Variants in RLF observed in about 807,000 individuals in gnomAD.
RLF encodes the protein RLF zinc finger.
RLF carries 7 observed loss-of-function variants against 162.9 expected under a neutral mutation model. That is an observed-to-expected ratio of 0.04 (90% confidence interval 0.02 to 0.08). RLF has a LOEUF of 0.08. Ranked by LOEUF, RLF falls within the 10% of genes least tolerant of loss-of-function variation. RLF has a pLI of 1.00. For synonymous variants in RLF, 782 were observed against 791.5 expected, an observed-to-expected ratio of 0.99 and a Z score of 0.20; for missense variants, 1,664 against 2,244.7, an observed-to-expected ratio of 0.74 and a Z score of 5.23.
intron 5 of RLF, among the ~76,000 whole-genome samples, chr1:40,207,778 T>G (rs1416317782): frequency 1.3e-5 from 2 of 152,086 alleles, no homozygotes; most frequent in Non-Finnish European, 2.9e-5. Context: ...ACCTAGCTCA[T>G]TTTTGTATTT....
intron 6 of RLF, among the ~76,000 whole-genome samples, chr1:40,225,578 C>CAAAAAAAAAAAAAAAAAAAAA (rs537934926): frequency 1.2e-5 from 1 of 83,078 alleles, no homozygotes; most frequent in African/African-American, 5.3e-5. Flanking sequence ...GACTCTGTCT[C>CAAAAAAAAAAAAAAAAAAAAA]AAAAAAAAAA....
chr1:40,216,618 T>C (rs188127927), intron 5 of RLF, among the ~76,000 whole-genome samples: 2 of 152,178 alleles, frequency 1.3e-5, no homozygotes, highest in East Asian at 3.9e-4. Context: ...GGCCTCACTG[T>C]ACAAAACATT....
intron 1 of RLF, among the ~76,000 whole-genome samples, chr1:40,171,135 T>C (rs1642238608): frequency 6.6e-6 from 1 of 152,290 alleles, no homozygotes; most frequent in South Asian, 2.1e-4. Flanking sequence ...CAAGTGATCC[T>C]CCCACCCCAG....
chr1:40,212,687 C>T (rs150381607), intron 5 of RLF, among the ~76,000 whole-genome samples: 155 of 152,252 alleles, frequency 1.0e-3, no homozygotes, highest in African/African-American at 3.0e-3. Context: ...CGGTATCTGA[C>T]GTGGTTGATA....
rs1267030072 is a variant in RLF, at chr1:40,161,924, G to A, written c.237+288G>A. Among the ~76,000 whole-genome samples, 1 of 152,190 alleles carries A rather than the reference G, an allele frequency of 6.6e-6. No homozygotes were observed. Among genetic ancestry groups the A allele is most frequent in the Non-Finnish European group, 1.5e-5 (1 of 68,034 alleles). ...CCCTGTCGCCGTTGCCTGTGTCCTG[G>A]CCGGGTGGTTGGAGCGCCACTGCCC... is the stretch of plus-strand genomic sequence containing the variant. On this transcript the variant is annotated intron_variant, in intron 1 of 7. Transcript: ENST00000372771. This position sits in a 1 kb window ranked among gnomAD's most constrained non-coding sequence, Gnocchi z 4.4.
chr1:40,190,595 CT>C (rs1377579999), intron 2 of RLF, among the ~76,000 whole-genome samples, 176 bp from the exon 3 acceptor site: 1 of 152,054 alleles, frequency 6.6e-6, no homozygotes, highest in African/African-American at 2.4e-5. Context: ...TGTGGTCTTT[CT>C]TTTTTTCCTC....
chr1:40,199,840 A>C (rs1298523605), intron 4 of RLF, among the ~76,000 whole-genome samples: 1 of 152,150 alleles, frequency 6.6e-6, no homozygotes, highest in Non-Finnish European at 1.5e-5. Flanking sequence ...TTTAGATTGG[A>C]GATAATTAGA....
intron 5 of RLF, among the ~76,000 whole-genome samples, chr1:40,213,456 G>A (rs529048200): frequency 2.0e-5 from 3 of 152,162 alleles, no homozygotes; most frequent in African/African-American, 7.2e-5. Flanking sequence ...TACAAGGTCC[G>A]TGCAGCATCA....
intron 3 of RLF, 100 bp downstream of exon 3, chr1:40,190,953 A>G: frequency 1.6e-6 from 1 of 613,076 alleles, no homozygotes; most frequent in South Asian, 2.5e-5. Flanking sequence ...AAACAAGTTT[A>G]TTATATATTG....
In RLF at chr1:40,185,931, C is replaced by T. The variant is rs180790430; in HGVS notation, c.238-3124C>T. The stretch of plus-strand genomic sequence containing the variant: ...CAGCACTTGGGGAGGCCAAGGCAGG[C>T]GGATCACTTGAGGTCAAGAGTTCGA... On this transcript the variant is annotated intron_variant, in intron 1 of 7. Transcript: ENST00000372771. Among the ~76,000 whole-genome samples the T allele has an allele frequency of 3.0e-3, 442 of 147,498 alleles. 3 individuals are homozygous for T. The highest frequency in any genetic ancestry group is 9.7e-3 in the African/African-American group (386 of 39,832).
rs1642093098 is a variant in RLF, at chr1:40,161,949, C to T, written c.237+313C>T. 6.6e-6 allele frequency among the ~76,000 whole-genome samples: 1 copy of T among 152,212 alleles called. No individual in the cohort carries two copies. Among genetic ancestry groups the T allele is most frequent in the Admixed American group, 6.5e-5 (1 of 15,284 alleles). ...GCCGGGTGGTTGGAGCGCCACTGCC[C>T]CCTGAGGGATTGATTGCTTGTCCCT... is the stretch of plus-strand genomic sequence containing the variant. On this transcript the variant is annotated intron_variant, in intron 1 of 7. Coordinates refer to ENST00000372771, the MANE Select transcript of RLF (RefSeq NM_012421.4). The surrounding 1 kb of genome is among the most constrained non-coding windows in gnomAD (Gnocchi z 4.4).
chr1:40,240,366 T>C lies in RLF; in HGVS notation c.5664T>C (p.Leu1888=), dbSNP rs1481969556. The change falls in exon 8 of 8, where the codon CTT becomes CTC. Residue 1888 remains leucine, a synonymous_variant. Transcript: ENST00000372771. ...QLHYLRPVVV[L]ERSKFSTPIL... Reference sequence around the variant, plus strand: ...ATTATCTTCGGCCAGTGGTGGTTCTTGAAAGATCTAAGTTTTCCACACCAA... The same window carrying C: ...ATTATCTTCGGCCAGTGGTGGTTCTCGAAAGATCTAAGTTTTCCACACCAA... The C allele has an allele frequency of 4.3e-6, 7 of 1,614,078 alleles. No individual in the cohort carries two copies. In the Admixed American group the frequency reaches 1.2e-4, roughly 27 times the overall value.
At position 40,237,724 on chromosome 1, in the gene RLF, T is replaced by C. The variant is rs1287492427; in HGVS notation, c.3022T>C (p.Leu1008=). The C allele has an allele frequency of 1.4e-5, 22 of 1,613,968 alleles. No homozygotes were observed. Among genetic ancestry groups the C allele is most frequent in the Non-Finnish European group, 1.7e-5 (20 of 1,179,998 alleles). ...GNEHNQTTEK[L]DAEPKPCSDT... ...TGAACATAATCAGACAACTGAAAAG[T>C]TGGATGCAGAACCTAAACCCTGCTC... The change falls in exon 8 of 8, where the codon TTG becomes CTG. Residue 1008 remains leucine, a synonymous_variant. Transcript: ENST00000372771. This position sits in a 1 kb window ranked among gnomAD's most constrained non-coding sequence, Gnocchi z 4.4.
At position 40,207,423 on chromosome 1, in the gene RLF, A is replaced by G. The variant is rs1220924889; in HGVS notation, c.810+4809A>G. 2.0e-5 allele frequency among the ~76,000 whole-genome samples: 3 copies of G among 152,282 alleles called. 1 individual carries two copies. Among genetic ancestry groups the G allele is most frequent in the African/African-American group, 4.8e-5 (2 of 41,546 alleles). On this transcript the variant is annotated intron_variant, in intron 5 of 7. Transcript: ENST00000372771. Reference sequence around the variant, plus strand: ...CTTTATTTTATTTTGAAATATAGTTATGCTATCTGTATATTTATAAAAATA... The same window carrying G: ...CTTTATTTTATTTTGAAATATAGTTGTGCTATCTGTATATTTATAAAAATA...
intron 1 of RLF, among the ~76,000 whole-genome samples, chr1:40,163,245 G>A (rs1642121333): frequency 6.6e-6 from 1 of 152,212 alleles, no homozygotes; most frequent in Admixed American, 6.5e-5. Flanking sequence ...AAGGTCTGGG[G>A]TGGGGAAAGC....
At chr1:40,229,928 A>G (rs1452785901) in intron 6 of RLF, among the ~76,000 whole-genome samples, 1 of 151,966 alleles carries the variant, frequency 6.6e-6, no homozygotes, top group African/African-American at 2.4e-5. Flanking sequence ...CAGCCTGACC[A>G]ACATGGAGAA....
At chr1:40,218,486 CTGAG>C (rs1642953927) in intron 5 of RLF, among the ~76,000 whole-genome samples, 2 of 152,344 alleles carry the variant, frequency 1.3e-5, no homozygotes, top group South Asian at 4.1e-4. Flanking sequence ...CTTTCATTCA[CTGAG>C]TGTCAGCTAC....
intron 3 of RLF, among the ~76,000 whole-genome samples, chr1:40,195,220 G>A (rs1441117584): frequency 6.6e-6 from 1 of 151,694 alleles, no homozygotes; most frequent in African/African-American, 2.4e-5. Flanking sequence ...GGAGGCCGAG[G>A]CGGGTGGATC....
chr1:40,215,016 T>C (rs770081428), intron 5 of RLF, among the ~76,000 whole-genome samples: 16 of 113,804 alleles, frequency 1.4e-4, no homozygotes, highest in Non-Finnish European at 2.3e-4. Flanking sequence ...AAAACCAAAA[T>C]GAAATTCTGA....
Sources: allele counts gnomAD v4.1 joint callset (sites outside exome capture counted in the v4.1 genomes callset), GRCh38; gene constraint gnomAD v4.1.1; non-coding constraint Gnocchi (gnomAD v3.1); transcripts MANE v1.5; gene names NCBI Gene and HGNC (gene_info 2026-07-23, HGNC 2026-07-21).